The following VSIG1 variants were observed in gnomAD, a reference collection of about 807,000 sequenced individuals.
VSIG1 encodes the protein V-set and immunoglobulin domain containing 1.
VSIG1 carries 11 observed loss-of-function variants against 20.1 expected under a neutral mutation model. The observed-to-expected ratio is 0.55, with a 90% confidence interval of 0.34 to 0.91. The LOEUF (loss-of-function observed/expected upper bound fraction) is 0.91. VSIG1 is among the 40% of genes least tolerant of loss of function. The probability of loss-of-function intolerance (pLI) is 0.02; values close to 1 mark genes in which losing one functional copy is unlikely to be tolerated. For missense variants in VSIG1, 283 were observed against 298.8 expected (o/e 0.95, Z 0.39); for synonymous variants, 126 against 116.7 (o/e 1.08, Z -0.52).
chrX:108,041,284 A>G (rs982803247), upstream of VSIG1, among the ~76,000 whole-genome samples: 7 of 110,877 alleles, frequency 6.3e-5, no homozygotes, highest in African/African-American at 2.3e-4. Flanking sequence ...TATTTGTTGT[A>G]TTGGAAAGCT....
chrX:108,046,842 T>C (rs1436444257), intron 1 of VSIG1, among the ~76,000 whole-genome samples: 1 of 111,055 alleles, frequency 9.0e-6, no homozygotes. Flanking sequence ...ACAAGACCAA[T>C]AAATACTTCA....
Position 108,047,809 on chromosome X carries a change from C to CATATATATATACATATATAT in VSIG1, c.49+2632_49+2651dup, listed in dbSNP as rs2030627924. On this transcript the variant is annotated intron_variant, in intron 1 of 6. Coordinates refer to ENST00000217957, the MANE Select transcript of VSIG1 (RefSeq NM_182607.5). ...CTCTCTCTATATATATATATATATA[C>CATATATATATACATATATAT]ATATATATATACATATATATACACA... 9.8e-5 allele frequency among the ~76,000 whole-genome samples: 6 copies of CATATATATATACATATATAT among 61,150 alleles called. 1 individual carries two copies. The highest frequency in any genetic ancestry group is 1.4e-4 in the Non-Finnish European group (5 of 35,381). The allele number at this position is 61,150 out of a possible 115,157, so 53.1% of individuals were successfully genotyped here. A position where few individuals can be genotyped will look rare whatever the true frequency, so the allele number is the denominator to read the frequency against.
intron 1 of VSIG1, among the ~76,000 whole-genome samples, chrX:108,047,875 T>TCAC (rs2030645300): frequency 3.5e-5 from 1 of 28,743 alleles, no homozygotes; most frequent in Admixed American, 3.4e-4. Context: ...TATATACACA[T>TCAC]ATATATATAT....
chrX:108,028,925 A>C, the VSIG1 span, among the ~76,000 whole-genome samples: 1 of 111,831 alleles, frequency 8.9e-6, no homozygotes, highest in African/African-American at 3.3e-5. Flanking sequence ...GTCTACTAAA[A>C]AATGAGCTTG....
chrX:108,053,613 G>A (rs746351546), intron 1 of VSIG1, among the ~76,000 whole-genome samples: 1 of 111,572 alleles, frequency 9.0e-6, no homozygotes, highest in African/African-American at 3.2e-5. Flanking sequence ...TAATAAAATA[G>A]CAAACAAGAA....
upstream of VSIG1, chrX:108,044,954 C>A (rs747043651): frequency 6.4e-6 from 2 of 310,855 alleles, no homozygotes; most frequent in East Asian, 9.3e-5. Flanking sequence ...CAAAGAAACA[C>A]AAATCTGTAC....
intron 1 of VSIG1, among the ~76,000 whole-genome samples, chrX:108,045,818 T>C (rs2030560436): frequency 8.9e-6 from 1 of 112,184 alleles, no homozygotes; most frequent in African/African-American, 3.2e-5. Flanking sequence ...CAAAAATCCC[T>C]TGGGTAGTTT....
At chrX:108,038,398 G>A in the VSIG1 span, among the ~76,000 whole-genome samples, 10 of 111,623 alleles carry the variant, frequency 9.0e-5, no homozygotes, top group African/African-American at 2.9e-4. Flanking sequence ...ATGGTTTCCA[G>A]CTTCATCCAT....
At chrX:108,066,305 A>C (rs2031123984) in intron 2 of VSIG1, among the ~76,000 whole-genome samples, 1 of 111,102 alleles carries the variant, frequency 9.0e-6, no homozygotes, top group African/African-American at 3.3e-5. Flanking sequence ...AGCACTTCCG[A>C]GGTCCTTTAC....
chrX:108,028,012 T>G, the VSIG1 span, among the ~76,000 whole-genome samples: 1 of 111,306 alleles, frequency 9.0e-6, no homozygotes, highest in Admixed American at 9.5e-5. Context: ...AATTTTGGGG[T>G]GACCCAAAAT....
the VSIG1 span, among the ~76,000 whole-genome samples, chrX:108,039,830 C>T: frequency 9.0e-6 from 1 of 110,920 alleles, no homozygotes; most frequent in Non-Finnish European, 1.9e-5. Flanking sequence ...AAGGATGATA[C>T]CAAGGTTTTG....
chrX:108,062,221 A>T (rs2031041887), intron 2 of VSIG1, among the ~76,000 whole-genome samples: 1 of 111,396 alleles, frequency 9.0e-6, no homozygotes. Context: ...TCTCTCAGAC[A>T]ATACTTATTC....
At chrX:108,047,821 C>CATAT (rs1206929017) in intron 1 of VSIG1, among the ~76,000 whole-genome samples, 5 of 43,902 alleles carry the variant, frequency 1.1e-4, no homozygotes, top group African/African-American at 4.5e-4. Context: ...TATATATATA[C>CATAT]ATATATATAC....
At chrX:108,055,328 C>G (rs1404237819) in intron 1 of VSIG1, among the ~76,000 whole-genome samples, 3 of 111,550 alleles carry the variant, frequency 2.7e-5, no homozygotes, top group African/African-American at 9.7e-5. Context: ...AAAGCTCCTA[C>G]AAAATAAATC....
chrX:108,021,136 T>C, the VSIG1 span, among the ~76,000 whole-genome samples: 4 of 111,717 alleles, frequency 3.6e-5, no homozygotes, highest in Non-Finnish European at 7.5e-5. Flanking sequence ...GTGGAAACTA[T>C]GAGTTGGGGG....
intron 1 of VSIG1, among the ~76,000 whole-genome samples, chrX:108,048,834 G>C (rs2030725135): frequency 8.9e-6 from 1 of 112,419 alleles, no homozygotes; most frequent in Non-Finnish European, 1.9e-5. Context: ...TTGGGCTACT[G>C]AACTGGATGG....
chrX:108,068,437 G>A (rs1452073790), intron 3 of VSIG1, among the ~76,000 whole-genome samples: 1 of 111,737 alleles, frequency 8.9e-6, no homozygotes, highest in Non-Finnish European at 1.9e-5. Context: ...ATAAGTAAAA[G>A]AGGTTTAATT....
At chrX:108,066,113 A>G (rs807170) in intron 2 of VSIG1, among the ~76,000 whole-genome samples, 54,680 of 109,809 alleles carry the variant, frequency 0.5, 10,750 homozygotes, top group African/African-American at 0.68. Flanking sequence ...CTTTAATAGA[A>G]ATGGGACTAG....
At chrX:108,074,821 T>A (rs1256677819) in intron 5 of VSIG1, among the ~76,000 whole-genome samples, 3 of 111,235 alleles carry the variant, frequency 2.7e-5, no homozygotes, top group Non-Finnish European at 3.8e-5. Context: ...AGCAACCAGG[T>A]CATGATGGGG....
Sources: gnomAD v4.1 joint callset for allele counts (sites outside exome capture counted in the v4.1 genomes callset) on GRCh38, gnomAD v4.1.1 for gene constraint, MANE v1.5 for transcripts, NCBI Gene and HGNC (gene_info 2026-07-23, HGNC 2026-07-21) for gene names.